The following NRXN1 variants were observed in gnomAD, a reference collection of about 807,000 sequenced individuals.
NRXN1 encodes neurexin-1.
Under a neutral mutation model 150.9 loss-of-function variants are expected in NRXN1, and 39 were observed. The observed-to-expected ratio is 0.26, with a 90% confidence interval of 0.20 to 0.34. The LOEUF (loss-of-function observed/expected upper bound fraction) is 0.34. NRXN1 is among the 10% of genes least tolerant of loss of function. NRXN1 has a pLI of 1.00. For missense variants in NRXN1, 1,815 were observed against 1,949.9 expected, an observed-to-expected ratio of 0.93 and a Z score of 1.30; for synonymous variants, 924 against 757.0, an observed-to-expected ratio of 1.22 and a Z score of -3.62.
chr2:49,995,780 CAAAAAA>C lies in NRXN1; in HGVS notation c.4129-51995_4129-51990del, dbSNP rs1163315598. 8.2e-5 allele frequency among the ~76,000 whole-genome samples: 3 copies of C among 36,374 alleles called. 1 individual carries two copies. The highest frequency in any genetic ancestry group is 4.0e-3 in the South Asian group (2 of 504). 23.9% of individuals were successfully genotyped at this position (36,374 alleles called of 152,430 possible). A position where few individuals can be genotyped will look rare whatever the true frequency, so the allele number is the denominator to read the frequency against. ...TGAGCGACAGAGCGAGACTCCGTCT[CAAAAAA>C]AAAAAAAAAAAAAAAAGATAGGAAA... On this transcript the variant is annotated intron_variant, in intron 21 of 22. Transcript: ENST00000401669.
intron 21 of NRXN1, among the ~76,000 whole-genome samples, chr2:49,981,181 A>ATT (rs1199040678): frequency 6.6e-6 from 1 of 152,100 alleles, no homozygotes; most frequent in Non-Finnish European, 1.5e-5. Flanking sequence ...TGACAGAAGG[A>ATT]TGACATACTA....
intron 18 of NRXN1, among the ~76,000 whole-genome samples, chr2:50,127,709 T>C (rs749040162): frequency 5.4e-4 from 83 of 152,302 alleles, no homozygotes; most frequent in Non-Finnish European, 9.4e-4. Context: ...AGAATGATGA[T>C]GACGTATATA....
chr2:50,911,747 T>C (rs1353479904), intron 5 of NRXN1, among the ~76,000 whole-genome samples: 1 of 151,910 alleles, frequency 6.6e-6, no homozygotes, highest in Non-Finnish European at 1.5e-5. Flanking sequence ...TGTCCATAGG[T>C]GGGCATTACA....
intron 8 of NRXN1, among the ~76,000 whole-genome samples, chr2:50,592,189 G>A (rs774776791): frequency 1.7e-4 from 26 of 152,170 alleles, no homozygotes; most frequent in African/African-American, 6.0e-4. Flanking sequence ...TACAGATGGC[G>A]AAATGACAGT....
At chr2:50,132,411 T>C (rs184865328) in intron 18 of NRXN1, among the ~76,000 whole-genome samples, 99 of 151,618 alleles carry the variant, frequency 6.5e-4, no homozygotes, top group African/African-American at 2.2e-3. Flanking sequence ...GTTCACGCCA[T>C]TCTCCTGCCT....
chr2:49,979,529 GT>G (rs1032874990), intron 21 of NRXN1, among the ~76,000 whole-genome samples: 5 of 152,008 alleles, frequency 3.3e-5, no homozygotes, highest in Admixed American at 1.3e-4. Context: ...GGCTGCTGAA[GT>G]TTTTTTTAAA....
chr2:51,028,316 G>C lies in NRXN1; in HGVS notation c.-43C>G, dbSNP rs1376730889. 2.3e-6 allele frequency: 3 copies of C among 1,320,966 alleles called. No individual in the cohort carries two copies. The highest frequency in any genetic ancestry group is 3.0e-5 in the African/African-American group (2 of 67,324). 81.8% of individuals were successfully genotyped at this position (1,320,966 alleles called of 1,614,324 possible). On this transcript the variant is annotated 5_prime_UTR_variant, in exon 2 of 23. Coordinates refer to ENST00000401669, the MANE Select transcript of NRXN1 (RefSeq NM_001330078.2). ...GGCGGGGGGGTGCCGGGGCCGACAGGGTCAAAATGGTCCTGGACACCGTGA... is the reference window on the plus strand; with the variant it reads ...GGCGGGGGGGTGCCGGGGCCGACAGCGTCAAAATGGTCCTGGACACCGTGA...
chr2:50,459,872 C>T (rs904084804), intron 17 of NRXN1, among the ~76,000 whole-genome samples: 4 of 152,066 alleles, frequency 2.6e-5, no homozygotes, highest in Non-Finnish European at 4.4e-5. Flanking sequence ...CTCCAAGTGT[C>T]AACAGTTAGC....
At chr2:50,709,760 T>C (rs984900845) in intron 5 of NRXN1, among the ~76,000 whole-genome samples, 1 of 152,174 alleles carries the variant, frequency 6.6e-6, no homozygotes, top group African/African-American at 2.4e-5. Flanking sequence ...AGGAATGAAC[T>C]ATTCATTGGT....
intron 19 of NRXN1, among the ~76,000 whole-genome samples, chr2:50,062,746 T>C (rs1048843478): frequency 1.3e-5 from 2 of 152,220 alleles, no homozygotes; most frequent in Admixed American, 1.3e-4. Flanking sequence ...ACATCACTGA[T>C]GTATAGTTTT....
At chr2:50,607,872 C>T (rs998210469) in intron 8 of NRXN1, among the ~76,000 whole-genome samples, 6 of 152,022 alleles carry the variant, frequency 3.9e-5, no homozygotes, top group African/African-American at 9.7e-5. Flanking sequence ...AGATAGTCAA[C>T]GCACATCATT....
chr2:50,880,911 C>T (rs562525026), intron 5 of NRXN1, among the ~76,000 whole-genome samples: 1 of 151,822 alleles, frequency 6.6e-6, no homozygotes, highest in African/African-American at 2.4e-5. Flanking sequence ...TTGTAATAAG[C>T]CCTGGGGAAC....
intron 17 of NRXN1, among the ~76,000 whole-genome samples, chr2:50,248,416 G>A (rs2066713154): frequency 6.6e-6 from 1 of 152,114 alleles, no homozygotes; most frequent in African/African-American, 2.4e-5. Context: ...ATTTTGTTTG[G>A]CTATAAAAAC....
intron 5 of NRXN1, among the ~76,000 whole-genome samples, chr2:50,872,226 C>T (rs116000365): frequency 1.3e-5 from 2 of 151,662 alleles, no homozygotes; most frequent in African/African-American, 2.4e-5. Context: ...ACGGAACTTA[C>T]GATTTTGTGG....
intron 18 of NRXN1, among the ~76,000 whole-genome samples, chr2:50,185,024 C>T (rs74978360): frequency 0.01 from 1,576 of 152,158 alleles, 12 homozygotes; most frequent in Non-Finnish European, 0.017. Context: ...TTATCTCAAA[C>T]TTGCCCAGGT....
chr2:50,993,953 T>C (rs1007623731), intron 2 of NRXN1, among the ~76,000 whole-genome samples: 3 of 152,044 alleles, frequency 2.0e-5, no homozygotes, highest in Non-Finnish European at 2.9e-5. Flanking sequence ...CTACATTGAC[T>C]ATTCTAATTC....
intron 12 of NRXN1, among the ~76,000 whole-genome samples, chr2:50,515,600 G>GGGGTGTGTGTGTGTGT (rs952552460): frequency 3.5e-4 from 50 of 143,512 alleles, no homozygotes; most frequent in African/African-American, 1.2e-3. Flanking sequence ...AAATGCTTGG[G>GGGGTGTGTGTGTGTGT]GTGTGTGTGT....
chr2:50,581,231 T>C (rs1313168288), intron 8 of NRXN1, among the ~76,000 whole-genome samples: 3 of 152,208 alleles, frequency 2.0e-5, no homozygotes, highest in East Asian at 1.9e-4. Context: ...AATGGATTTA[T>C]AATTAAAAAT....
At chr2:50,257,459 C>T (rs1461485950) in intron 17 of NRXN1, among the ~76,000 whole-genome samples, 1 of 152,090 alleles carries the variant, frequency 6.6e-6, no homozygotes, top group Non-Finnish European at 1.5e-5. Flanking sequence ...CTTTTAAATA[C>T]TTTCTCCACC....
Sources: gnomAD v4.1 joint callset for allele counts (sites outside exome capture counted in the v4.1 genomes callset) on GRCh38, gnomAD v4.1.1 for gene constraint, MANE v1.5 for transcripts, NCBI Gene and HGNC (gene_info 2026-07-23, HGNC 2026-07-21) for gene names.